The following PTK7 variants were observed in gnomAD, a reference collection of about 807,000 sequenced individuals.
PTK7 encodes the protein protein tyrosine kinase 7 (inactive), also known as inactive tyrosine-protein kinase 7.
PTK7 carries 39 observed loss-of-function variants against 116.6 expected under a neutral mutation model. That is an observed-to-expected ratio of 0.33 (90% CI 0.26 to 0.44). PTK7 has a LOEUF of 0.44. Among genes scored for constraint, PTK7 ranks in the 20% least tolerant of loss-of-function variants. The pLI is 1.00. For missense variants in PTK7, 1,169 were observed against 1,425.6 expected (o/e 0.82, Z 2.90); for synonymous variants, 546 against 563.6 (o/e 0.97, Z 0.44).
intron 7 of PTK7, chr6:43,133,217 ATTAC>A (rs149494277): frequency 0.057 from 9,857 of 171,660 alleles, 323 homozygotes; most frequent in Non-Finnish European, 0.066. Context: ...TACTAAACAT[ATTAC>A]TTATGAAAAA....
At chr6:43,130,105 C>T in intron 3 of PTK7, 125 bp from the exon 4 acceptor site, 1 of 1,050,068 alleles carries the variant, frequency 9.5e-7, no homozygotes, top group African/African-American at 1.6e-5. Flanking sequence ...CAAGTCCCTT[C>T]CCTTCCTCAG....
intron 1 of PTK7, among the ~76,000 whole-genome samples, chr6:43,081,881 C>T (rs533471315): frequency 7.2e-5 from 11 of 152,254 alleles, no homozygotes; most frequent in African/African-American, 2.6e-4. Context: ...GCCTGCTCTA[C>T]GGTGACCAAA....
intron 18 of PTK7, 26 bp downstream of exon 18, chr6:43,158,994 G>A (rs1561992181): frequency 6.2e-7 from 1 of 1,610,588 alleles, no homozygotes; most frequent in Middle Eastern, 1.7e-4. Flanking sequence ...TGGGGTGGGG[G>A]CTCCCCATTT....
At chr6:43,116,680 A>G (rs146687451) in intron 1 of PTK7, among the ~76,000 whole-genome samples, 88 of 151,388 alleles carry the variant, frequency 5.8e-4, no homozygotes, top group African/African-American at 2.1e-3. Flanking sequence ...GCATATGGAT[A>G]CATGTACATG....
chr6:43,097,566 T>A (rs981490814), intron 1 of PTK7, among the ~76,000 whole-genome samples: 2 of 152,234 alleles, frequency 1.3e-5, no homozygotes, highest in Non-Finnish European at 2.9e-5. Flanking sequence ...TCTGAATCAC[T>A]GCTCTGCAGT....
In PTK7 at chr6:43,145,156, C is replaced by G. The variant is rs749507301; in HGVS notation, c.2408-44C>G. 1.3e-6 allele frequency: 2 copies of G among 1,534,094 alleles called. No homozygotes were observed. Among genetic ancestry groups the G allele is most frequent in the Admixed American group, 1.9e-5 (1 of 53,476 alleles). On this transcript the variant is annotated intron_variant, in intron 15 of 19. Transcript: ENST00000230419. This position sits in a 1 kb window ranked among gnomAD's most constrained non-coding sequence, Gnocchi z 4.8. The stretch of plus-strand genomic sequence containing the variant: ...CCCTCCCCCAGGTCAGGAGCTGCCT[C>G]GGCCTGGGTGAAGGTGGCTGGCTGA...
intron 1 of PTK7, among the ~76,000 whole-genome samples, chr6:43,082,192 T>C (rs1025312905): frequency 6.6e-6 from 1 of 152,202 alleles, no homozygotes; most frequent in Admixed American, 6.5e-5. Context: ...TTTATTCTTT[T>C]TGAGATGGAG....
At chr6:43,091,599 T>G (rs1050027163) in intron 1 of PTK7, among the ~76,000 whole-genome samples, 2 of 152,242 alleles carry the variant, frequency 1.3e-5, no homozygotes, top group Non-Finnish European at 2.9e-5. Context: ...TCTTTGAAAT[T>G]GGGATGTAAC....
In PTK7 at chr6:43,132,133, C is replaced by T. The variant is rs1769723235; in HGVS notation, c.930C>T (p.Pro310=). The T allele has an allele frequency of 6.2e-6, 10 of 1,612,364 alleles. No individual in the cohort carries two copies. The highest frequency in any genetic ancestry group is 8.5e-6 in the Non-Finnish European group (10 of 1,178,812). The change falls in exon 6 of 20, where the codon CCC becomes CCT. Residue 310 remains proline, a synonymous_variant. Coordinates refer to ENST00000230419, the MANE Select transcript of PTK7 (RefSeq NM_002821.5). ...TTGGCCAGGGGCAGAGGGGCCCACCCATCATCCTGGAAGCCACACTTCACC... is the reference window on the plus strand; with the variant it reads ...TTGGCCAGGGGCAGAGGGGCCCACCTATCATCCTGGAAGCCACACTTCACC... ...RCIGQGQRGP[P]IILEATLHLA... is the part of the protein sequence containing the mutation.
chr6:43,114,816 G>T (rs1768402870), intron 1 of PTK7, among the ~76,000 whole-genome samples: 1 of 152,032 alleles, frequency 6.6e-6, no homozygotes, highest in Non-Finnish European at 1.5e-5. Context: ...TAGGCAGGCG[G>T]ATTGCCTGAG....
chr6:43,139,590 G>T lies in PTK7; in HGVS notation c.1618+65G>T, dbSNP rs1770266400. ...GTTCACTGATCAGATACATACCTGA[G>T]GGCTGCTGGGTGCCCCGCACTGTGC... On this transcript the variant is annotated intron_variant, in intron 10 of 19. Coordinates refer to ENST00000230419, the MANE Select transcript of PTK7 (RefSeq NM_002821.5). The surrounding 1 kb of genome is among the most constrained non-coding windows in gnomAD (Gnocchi z 4.6). 1.3e-6 allele frequency: 2 copies of T among 1,598,142 alleles called. No individual in the cohort carries two copies. The highest frequency in any genetic ancestry group is 3.4e-5 in the Admixed American group (2 of 59,300).
At chr6:43,097,616 G>T (rs767512962) in intron 1 of PTK7, among the ~76,000 whole-genome samples, 6 of 152,146 alleles carry the variant, frequency 3.9e-5, no homozygotes, top group Non-Finnish European at 8.8e-5. Flanking sequence ...ATAAATATTG[G>T]TAAACATAGT....
At chr6:43,159,602 G>A (rs2150485890) in intron 18 of PTK7, 186 bp from the exon 19 acceptor site, 2 of 611,894 alleles carry the variant, frequency 3.3e-6, no homozygotes, top group Non-Finnish European at 5.8e-6. Context: ...AACCTCTCGT[G>A]TGGTTACCTC....
intron 17 of PTK7, among the ~76,000 whole-genome samples, chr6:43,154,266 G>T (rs2150475265): frequency 6.6e-6 from 1 of 152,126 alleles, no homozygotes; most frequent in East Asian, 1.9e-4. Flanking sequence ...AGCCTGGGAG[G>T]TTGAAGATAC....
chr6:43,143,596 G>A lies in PTK7; in HGVS notation c.2227G>A (p.Glu743Lys), dbSNP rs1770551219. The A allele has an allele frequency of 1.2e-6, 2 of 1,612,564 alleles. No homozygotes were observed. The highest frequency in any genetic ancestry group is 1.7e-5 in the Admixed American group (1 of 60,006). ...KRLQKQPEGE[E>K]PEMECLNGGP... Reference sequence around the variant, plus strand: ...GCTGCAGAAGCAGCCCGAGGGCGAGGAGCCAGAGATGGAATGCCTCAACGG... The same window carrying A: ...GCTGCAGAAGCAGCCCGAGGGCGAGAAGCCAGAGATGGAATGCCTCAACGG... The change falls in exon 14 of 20, where the codon GAG becomes AAG. Residue 743 changes from glutamate to lysine, a missense_variant. Physicochemically the swap from Glu to Lys is moderately conservative, Grantham distance 56. Coordinates refer to ENST00000230419, the MANE Select transcript of PTK7 (RefSeq NM_002821.5). This position sits in a 1 kb window ranked among gnomAD's most constrained non-coding sequence, Gnocchi z 4.2.
intron 1 of PTK7, among the ~76,000 whole-genome samples, chr6:43,128,570 A>G (rs1464629789): frequency 6.6e-6 from 1 of 152,172 alleles, no homozygotes; most frequent in African/African-American, 2.4e-5. Context: ...AGATCACCTG[A>G]GGTCAGGGGT....
At chr6:43,079,359 C>G (rs1336623344) in intron 1 of PTK7, among the ~76,000 whole-genome samples, 1 of 151,924 alleles carries the variant, frequency 6.6e-6, no homozygotes, top group African/African-American at 2.4e-5. Context: ...CCCAGCTACT[C>G]GGGAGGCTGA....
At position 43,111,225 on chromosome 6, in the gene PTK7, C is replaced by T. The variant is rs148733673; in HGVS notation, c.80-17752C>T. ...GACAGAATGCAAAGCTGCCAGCAAT[C>T]AGTAGCTACCCCTCTGAACTTCACC... On this transcript the variant is annotated intron_variant, in intron 1 of 19. Coordinates refer to ENST00000230419, the MANE Select transcript of PTK7 (RefSeq NM_002821.5). 2.4e-3 allele frequency among the ~76,000 whole-genome samples: 367 copies of T among 152,356 alleles called. 1 individual carries two copies. The highest frequency in any genetic ancestry group is 3.8e-3 in the Non-Finnish European group (258 of 68,032).
intron 1 of PTK7, among the ~76,000 whole-genome samples, chr6:43,121,207 A>G (rs1582137629): frequency 6.6e-6 from 1 of 151,982 alleles, no homozygotes; most frequent in Admixed American, 6.6e-5. Flanking sequence ...CTTGGATACC[A>G]TGTGATGCCG....
Sources: gnomAD v4.1 joint callset for allele counts (sites outside exome capture counted in the v4.1 genomes callset) on GRCh38, gnomAD v4.1.1 for gene constraint, Gnocchi (gnomAD v3.1) non-coding constraint, MANE v1.5 for transcripts, NCBI Gene and HGNC (gene_info 2026-07-23, HGNC 2026-07-21) for gene names.